Variants in NAA60 observed in about 807,000 individuals in gnomAD.
NAA60 encodes the protein N-alpha-acetyltransferase 60, NatF catalytic subunit.
Under a neutral mutation model 26.1 loss-of-function variants are expected in NAA60, and 8 were observed. That is an observed-to-expected ratio of 0.31 (90% CI 0.18 to 0.55). The LOEUF is 0.55. Ranked by LOEUF, NAA60 falls within the 20% of genes least tolerant of loss-of-function variation. The pLI, the probability that NAA60 is intolerant of heterozygous loss-of-function variation, is 0.93. For synonymous variants in NAA60, 131 were observed against 122.5 expected (o/e 1.07, Z -0.46); for missense variants, 290 against 311.3 (o/e 0.93, Z 0.51).
intron 1 of NAA60, chr16:3,447,646 C>G: frequency 2.0e-6 from 2 of 985,270 alleles, no homozygotes; most frequent in Non-Finnish European, 2.4e-6. Flanking sequence ...TTTCTCCCAA[C>G]TTCAGCAAGA....
At chr16:3,483,927 CA>C in intron 6 of NAA60, 1 of 356,062 alleles carries the variant, frequency 2.8e-6, no homozygotes, top group Non-Finnish European at 5.1e-6. Context: ...TGGGGATCAG[CA>C]GTGCACAAAA....
At chr16:3,475,492 A>G (rs2036423226) in intron 2 of NAA60, among the ~76,000 whole-genome samples, 1 of 151,584 alleles carries the variant, frequency 6.6e-6, no homozygotes, top group Non-Finnish European at 1.5e-5. Flanking sequence ...TCCTCCCTCC[A>G]TTCCTCTCTT....
chr16:3,465,999 C>T (rs1411412844), intron 2 of NAA60, among the ~76,000 whole-genome samples: 1 of 152,244 alleles, frequency 6.6e-6, no homozygotes, highest in African/African-American at 2.4e-5. Context: ...GCCGGAACAC[C>T]TGTGGCCGTT....
At chr16:3,460,301 C>G (rs1446733470) in intron 2 of NAA60, among the ~76,000 whole-genome samples, 1 of 152,190 alleles carries the variant, frequency 6.6e-6, no homozygotes, top group Non-Finnish European at 1.5e-5. Context: ...CTCCCCTATC[C>G]ATCTCTTTTT....
Position 3,466,263 on chromosome 16 carries a change from G to A in NAA60, c.-6-9959G>A, listed in dbSNP as rs180843718. ...ATCGAGTTGTATGCGGCCACTCTGC[G>A]GGCTCCCCTCGGCACATGATGGTCT... On this transcript the variant is annotated intron_variant, in intron 2 of 7. Transcript: ENST00000407558. Among the ~76,000 whole-genome samples the A allele has an allele frequency of 2.0e-3, 297 of 152,304 alleles. 1 individual carries two copies. The highest frequency in any genetic ancestry group is 6.8e-3 in the African/African-American group (281 of 41,558).
chr16:3,449,075 TAAAG>T (rs1307003447), intron 2 of NAA60: 1 of 152,310 alleles, frequency 6.6e-6, no homozygotes, highest in African/African-American at 2.4e-5. Context: ...TATCTACTCA[TAAAG>T]AAGGAGCCAA....
chr16:3,443,666 C>T, upstream of NAA60: 1 of 1,359,826 alleles, frequency 7.4e-7, no homozygotes, highest in Non-Finnish European at 9.6e-7. Flanking sequence ...CTCCTTTTCT[C>T]TAAGCAACCA....
intron 2 of NAA60, among the ~76,000 whole-genome samples, chr16:3,454,755 G>A (rs1447356670): frequency 6.6e-6 from 1 of 152,178 alleles, no homozygotes; most frequent in African/African-American, 2.4e-5. Context: ...TGCTTGACTT[G>A]CTTAGGCAGG....
chr16:3,466,022 T>G (rs1028400135), intron 2 of NAA60, among the ~76,000 whole-genome samples: 1 of 152,222 alleles, frequency 6.6e-6, no homozygotes, highest in Non-Finnish European at 1.5e-5. Flanking sequence ...TGCTGTTAAC[T>G]GAGGTGTAAT....
rs761524929 is a variant in NAA60 at position 3,484,789 on chromosome 16, C to G, written c.663C>G (p.Leu221=). 6.3e-6 allele frequency: 10 copies of G among 1,582,908 alleles called. No individual in the cohort carries two copies. In the South Asian group the frequency reaches 1.2e-4, roughly 18 times the overall value. ...TCTACCGCCAGGCCCACAGCCTGCT[C>G]TGCAGCTTCCTGCCATGGTCGGGCA... ...HRVYRQAHSL[L]CSFLPWSGIS... The change falls in exon 7 of 8, where the codon CTC becomes CTG. Residue 221 remains leucine (L), a synonymous_variant. Transcript: ENST00000407558.
At chr16:3,474,542 T>G (rs193158790) in intron 2 of NAA60, among the ~76,000 whole-genome samples, 1 of 152,360 alleles carries the variant, frequency 6.6e-6, no homozygotes, top group Admixed American at 6.5e-5. Flanking sequence ...TGCAGAAACC[T>G]GGACAGTGGA....
At chr16:3,483,762 C>T (rs1261211824) in intron 6 of NAA60, 165 bp downstream of exon 6, 17 of 627,604 alleles carry the variant, frequency 2.7e-5, no homozygotes, top group Non-Finnish European at 4.8e-5. Flanking sequence ...ACCTGACACA[C>T]ATTTGGGTAA....
In NAA60 at chr16:3,463,572, AAT is replaced by A. The variant is rs957788614; in HGVS notation, c.-6-12649_-6-12648del. On this transcript the variant is annotated intron_variant, in intron 2 of 7. Coordinates refer to ENST00000407558, the MANE Select transcript of NAA60 (RefSeq NM_001083601.3). ...GTGTTAAAAAAAAAAAAAAAAAAAA[AAT>A]GCAAGCTGGCGCGGATGCAGTGGCT... Among the ~76,000 whole-genome samples the A allele has an allele frequency of 3.3e-5, 5 of 149,718 alleles. 1 individual carries two copies. Among genetic ancestry groups the A allele is most frequent in the African/African-American group, 9.9e-5 (4 of 40,592 alleles).
At chr16:3,451,376 C>G (rs1224575485) in intron 2 of NAA60, among the ~76,000 whole-genome samples, 2 of 152,170 alleles carry the variant, frequency 1.3e-5, no homozygotes, top group African/African-American at 2.4e-5. Context: ...TTATTTTTCA[C>G]CAATGTATCC....
chr16:3,457,081 C>G (rs2035031323), intron 2 of NAA60, among the ~76,000 whole-genome samples: 1 of 152,162 alleles, frequency 6.6e-6, no homozygotes, highest in South Asian at 2.1e-4. Flanking sequence ...CGTGAGCCAC[C>G]ACACCCAGCC....
chr16:3,465,486 T>G (rs1202690419), intron 2 of NAA60, among the ~76,000 whole-genome samples: 1 of 152,136 alleles, frequency 6.6e-6, no homozygotes, highest in Non-Finnish European at 1.5e-5. Flanking sequence ...TGAGTCGTCC[T>G]TCCGGCTGCC....
intron 2 of NAA60, among the ~76,000 whole-genome samples, chr16:3,455,782 A>G (rs1042378520): frequency 7.2e-5 from 11 of 151,922 alleles, no homozygotes; most frequent in African/African-American, 2.7e-4. Flanking sequence ...ATCTCGGCTC[A>G]CTGCAACCTC....
rs1249151841 is a variant in NAA60, at chr16:3,485,056, T to G, written c.*201T>G. On this transcript the variant is annotated 3_prime_UTR_variant, in exon 7 of 8. Transcript: ENST00000407558. ...GGCATGCGCAGAGCATGCCCATCCGTGGCAGGTACGCCACAGCAGACACAA... is the reference window on the plus strand; with the variant it reads ...GGCATGCGCAGAGCATGCCCATCCGGGGCAGGTACGCCACAGCAGACACAA... 1.4e-6 allele frequency: 2 copies of G among 1,478,520 alleles called. No individual in the cohort carries two copies. The highest frequency in any genetic ancestry group is 4.0e-5 in the Admixed American group (2 of 50,096). The allele number at this position is 1,478,520 out of a possible 1,614,324, so 91.6% of individuals were successfully genotyped here. A position where few individuals can be genotyped will look rare whatever the true frequency, so the allele number is the denominator to read the frequency against.
intron 2 of NAA60, chr16:3,457,859 A>T: frequency 1.8e-6 from 1 of 558,596 alleles, no homozygotes; most frequent in Non-Finnish European, 2.3e-6. Context: ...GCCGGCCCTC[A>T]CCAGTGCCCC....
Sources: gnomAD v4.1 joint callset for allele counts (sites outside exome capture counted in the v4.1 genomes callset) on GRCh38, gnomAD v4.1.1 for gene constraint, MANE v1.5 for transcripts, NCBI Gene and HGNC (gene_info 2026-07-23, HGNC 2026-07-21) for gene names.